PDGFRL: variants seen among roughly 807,000 people sequenced by gnomAD.
PDGFRL encodes the protein platelet-derived growth factor receptor-like protein.
In PDGFRL, 46 loss-of-function variants were observed where a neutral mutation model predicts 37.2. The ratio of observed to expected loss-of-function variants is 1.24; its 90% confidence interval spans 0.98 to 1.58. The LOEUF (loss-of-function observed/expected upper bound fraction) is 1.58. Among genes scored for constraint, PDGFRL ranks in the 40% most tolerant of loss-of-function variants. The probability of loss-of-function intolerance (pLI) is 0.00; values close to 1 mark genes in which losing one functional copy is unlikely to be tolerated. For synonymous variants in PDGFRL, 251 were observed against 184.3 expected, an observed-to-expected ratio of 1.36 and a Z score of -2.93; for missense variants, 692 against 467.6, an observed-to-expected ratio of 1.48 and a Z score of -4.43.
chr8:17,587,014 C>G (rs1303028494), intron 1 of PDGFRL, among the ~76,000 whole-genome samples: 6 of 152,096 alleles, frequency 3.9e-5, no homozygotes, highest in African/African-American at 1.4e-4. Flanking sequence ...GAAAAATAAC[C>G]AATTGACATA....
At chr8:17,636,415 T>C (rs181022788) in intron 5 of PDGFRL, among the ~76,000 whole-genome samples, 5 of 152,336 alleles carry the variant, frequency 3.3e-5, no homozygotes, top group African/African-American at 1.2e-4. Flanking sequence ...TTGTCAAAGA[T>C]CAGTGTAAGT....
Position 17,642,653 on chromosome 8 carries a change from T to C in PDGFRL, c.980T>C (p.Ile327Thr), listed in dbSNP as rs35346456. 7 of 1,610,996 alleles carry C rather than the reference T, an allele frequency of 4.3e-6. No homozygotes were observed. In the East Asian group the frequency reaches 1.6e-4, roughly 36 times the overall value. ...ACGATCCAAGACACTTGGAGGTTGA[T>C]CCACAGAGGACTGGGACACACCACG... is the stretch of plus-strand genomic sequence containing the variant. Reference protein sequence around the residue: ...PVTIQDTWRLIHRGLGHTTRI... With the variant: ...PVTIQDTWRLTHRGLGHTTRI... The change falls in exon 6 of 6, where the codon ATC becomes ACC. Residue 327 changes from isoleucine to threonine, a missense_variant. Ile to Thr is a moderately conservative substitution (Grantham distance 89, BLOSUM62 -1). Transcript: ENST00000251630.
chr8:17,594,482 C>G (rs529184308), intron 2 of PDGFRL, among the ~76,000 whole-genome samples: 21 of 152,112 alleles, frequency 1.4e-4, no homozygotes, highest in Non-Finnish European at 2.5e-4. Context: ...CTCAACTGAT[C>G]TGTCTGCCTC....
intron 2 of PDGFRL, among the ~76,000 whole-genome samples, chr8:17,606,894 G>GTTTTTTTTTTTTTTT (rs1198809504): frequency 1.6e-5 from 2 of 123,690 alleles, no homozygotes; most frequent in African/African-American, 3.1e-5. Flanking sequence ...TTGTTTTTTT[G>GTTTTTTTTTTTTTTT]TTTTTTTTTT....
chr8:17,589,221 A>G (rs1170798030), intron 1 of PDGFRL, among the ~76,000 whole-genome samples: 1 of 152,026 alleles, frequency 6.6e-6, no homozygotes, highest in East Asian at 1.9e-4. Context: ...CCATGTCTCT[A>G]CTAAAAATAC....
chr8:17,606,879 G>GTTT (rs1361616983), intron 2 of PDGFRL, among the ~76,000 whole-genome samples: 5 of 59,028 alleles, frequency 8.5e-5, no homozygotes, highest in African/African-American at 2.6e-4. Flanking sequence ...CCAGTTTTTC[G>GTTT]TTTTTTGTTT....
intron 2 of PDGFRL, among the ~76,000 whole-genome samples, chr8:17,606,532 C>G (rs1230754335): frequency 6.6e-6 from 1 of 152,302 alleles, no homozygotes. Flanking sequence ...CTAACCAATG[C>G]TGAAGGTAGA....
chr8:17,597,738 C>T (rs1292927670), intron 2 of PDGFRL, among the ~76,000 whole-genome samples: 2 of 152,090 alleles, frequency 1.3e-5, no homozygotes. Context: ...TCCATCTCTT[C>T]TTACGGATTT....
intron 2 of PDGFRL, among the ~76,000 whole-genome samples, chr8:17,594,897 T>C (rs1476225316): frequency 6.6e-6 from 1 of 152,256 alleles, no homozygotes; most frequent in Non-Finnish European, 1.5e-5. Flanking sequence ...TCCTTCCACC[T>C]TCTGGCTGTT....
At chr8:17,595,013 T>G (rs2904706) in intron 2 of PDGFRL, among the ~76,000 whole-genome samples, 5 of 151,336 alleles carry the variant, frequency 3.3e-5, no homozygotes, top group African/African-American at 9.8e-5. Flanking sequence ...ACATTTTTTT[T>G]TTTTCCTGAT....
At chr8:17,632,154 C>G (rs974740813) in intron 4 of PDGFRL, among the ~76,000 whole-genome samples, 14 of 152,180 alleles carry the variant, frequency 9.2e-5, no homozygotes, top group Admixed American at 2.0e-4. Context: ...CCAAGCTAAC[C>G]TCCCTCCTCC....
At chr8:17,586,408 A>T (rs980300875) in intron 1 of PDGFRL, among the ~76,000 whole-genome samples, 2 of 151,964 alleles carry the variant, frequency 1.3e-5, no homozygotes, top group Non-Finnish European at 2.9e-5. Flanking sequence ...AAAGAATCTC[A>T]TGGTGCATGA....
At position 17,628,756 on chromosome 8, in the gene PDGFRL, A is replaced by C. The variant is rs930160158; in HGVS notation, c.775A>C (p.Lys259Gln). The stretch of plus-strand genomic sequence containing the variant: ...CGGGGGCAGATCTCAGATCTCCGTC[A>C]AGTACCAGCTGCTCTATGTGGCGGG... Reference protein sequence around the residue: ...EAGGRSQISVKYQLLYVAVPS... With the variant: ...EAGGRSQISVQYQLLYVAVPS... Residue 259 changes from lysine (K) to glutamine (Q), a missense_variant, in exon 4 of 6, where the codon AAG becomes CAG. Lys to Gln is a moderately conservative substitution (Grantham distance 53, BLOSUM62 1). Coordinates refer to ENST00000251630, the MANE Select transcript of PDGFRL (RefSeq NM_001372073.1). The C allele has an allele frequency of 6.2e-7, 1 of 1,613,952 alleles. No homozygotes were observed. Among genetic ancestry groups the C allele is most frequent in the Non-Finnish European group, 8.5e-7 (1 of 1,179,836 alleles).
intron 3 of PDGFRL, among the ~76,000 whole-genome samples, chr8:17,625,556 T>C (rs1427060109): frequency 6.6e-6 from 1 of 152,198 alleles, no homozygotes; most frequent in African/African-American, 2.4e-5. Context: ...ACATGTGTAA[T>C]CTATAATTAT....
Position 17,643,042 on chromosome 8 carries a change from A to T in PDGFRL, c.*241A>T. The stretch of plus-strand genomic sequence containing the variant: ...ATTGCTTACCTACATACGTGTTCCT[A>T]GTTTTTATACATGTGTAAACAATTT... On this transcript the variant is annotated 3_prime_UTR_variant, in exon 6 of 6. Transcript: ENST00000251630. The T allele has an allele frequency of 7.2e-6, 3 of 415,160 alleles. No individual in the cohort carries two copies. Among genetic ancestry groups the T allele is most frequent in the Non-Finnish European group, 8.4e-6 (2 of 236,970 alleles). 25.7% of individuals were successfully genotyped at this position (415,160 alleles called of 1,614,324 possible).
chr8:17,611,562 A>G (rs1804412449), intron 2 of PDGFRL, among the ~76,000 whole-genome samples: 1 of 152,102 alleles, frequency 6.6e-6, no homozygotes, highest in Non-Finnish European at 1.5e-5. Context: ...AGAGGGAAAG[A>G]GATGCGTGGA....
Position 17,628,662 on chromosome 8 carries a change from G to A in PDGFRL, c.681G>A (p.Met227Ile), listed in dbSNP as rs1040152725. Residue 227 changes from methionine (M) to isoleucine (I), a missense_variant, in exon 4 of 6, where the codon ATG becomes ATA. Transcript: ENST00000251630. ...PANGTDIVYD[M>I]KRGFVYLQPH... is the part of the protein sequence containing the mutation. ...ATGGAACGGACATTGTTTATGACAT[G>A]AAGCGGGGCTTTGTGTATCTGCAAC... 3 of 1,614,090 alleles carry A rather than the reference G, an allele frequency of 1.9e-6. No homozygotes were observed. The highest frequency in any genetic ancestry group is 1.3e-5 in the African/African-American group (1 of 75,072).
Position 17,589,674 on chromosome 8 carries a change from GC to G in PDGFRL, c.263del (p.Ala88GlyfsTer5). ...QKPAATLSLL[A>X]GQTVELRCKG... ...ACCCGCCGCTACCCTGAGTCTGCTG[GC>G]GGGGCAAACTGTAGAGCTTCGATGT... On this transcript the variant is annotated frameshift_variant, in exon 2 of 6. Coordinates refer to ENST00000251630, the MANE Select transcript of PDGFRL (RefSeq NM_001372073.1). LOFTEE classifies it high-confidence loss of function. 6.2e-7 allele frequency: 1 copy of G among 1,613,574 alleles called. No homozygotes were observed. The highest frequency in any genetic ancestry group is 1.3e-5 in the African/African-American group (1 of 75,022).
chr8:17,608,881 T>A (rs2720473), intron 2 of PDGFRL, among the ~76,000 whole-genome samples: 150,796 of 152,194 alleles, frequency 0.99, 74,718 homozygotes, highest in Middle Eastern at 1. Flanking sequence ...ACCTGATTGT[T>A]GGAGACCAGG....
Sources: allele counts gnomAD v4.1 joint callset (sites outside exome capture counted in the v4.1 genomes callset), GRCh38; gene constraint gnomAD v4.1.1; transcripts MANE v1.5; gene names NCBI Gene and HGNC (gene_info 2026-07-23, HGNC 2026-07-21).